Variants in SBF2 observed in about 807,000 individuals in gnomAD.
The protein encoded by SBF2 is myotubularin-related protein 13.
A neutral mutation model predicts 225.2 loss-of-function variants in SBF2; 112 were observed. The ratio of observed to expected loss-of-function variants is 0.50; its 90% CI spans 0.43 to 0.58. The LOEUF is 0.58. Ranked by LOEUF, SBF2 falls within the 20% of genes least tolerant of loss-of-function variation. The probability of loss-of-function intolerance (pLI) is 0.00; values close to 1 mark genes in which losing one functional copy is unlikely to be tolerated. For synonymous variants in SBF2, 763 were observed against 773.3 expected (o/e 0.99, Z 0.22); for missense variants, 1,996 against 2,206.2 (o/e 0.90, Z 1.91).
intron 7 of SBF2, among the ~76,000 whole-genome samples, chr11:10,001,960 G>A (rs1947980776): frequency 6.6e-6 from 1 of 151,886 alleles, no homozygotes; most frequent in Non-Finnish European, 1.5e-5. Flanking sequence ...AGCACTATTA[G>A]TCATCACTGT....
At chr11:9,928,024 G>A (rs1864187670) in intron 16 of SBF2, among the ~76,000 whole-genome samples, 1 of 151,946 alleles carries the variant, frequency 6.6e-6, no homozygotes, top group African/African-American at 2.4e-5. Context: ...GAAAATGAGA[G>A]AAAATTTTTG....
intron 2 of SBF2, among the ~76,000 whole-genome samples, chr11:10,093,578 G>A (rs563822162): frequency 6.6e-6 from 1 of 152,042 alleles, no homozygotes; most frequent in East Asian, 1.9e-4. Flanking sequence ...GTACATATAT[G>A]TACTAAAAAA....
At chr11:9,794,467 C>T (rs922615083) in intron 33 of SBF2, among the ~76,000 whole-genome samples, 1 of 151,238 alleles carries the variant, frequency 6.6e-6, no homozygotes, top group African/African-American at 2.4e-5. Context: ...GAGTGCAAGA[C>T]CAGCCTGGCC....
At chr11:10,301,197 A>G (rs72851647) in intron 1 of SBF2, among the ~76,000 whole-genome samples, 8,531 of 152,302 alleles carry the variant, frequency 0.056, 309 homozygotes, top group Middle Eastern at 0.15. Flanking sequence ...AATTTAAAAT[A>G]TGGAAACAGT....
Position 9,998,298 on chromosome 11 carries a change from G to A in SBF2, c.943C>T (p.Leu315Phe). 6.2e-7 allele frequency: 1 copy of A among 1,604,478 alleles called. No individual in the cohort carries two copies. Among genetic ancestry groups the A allele is most frequent in the Non-Finnish European group, 8.5e-7 (1 of 1,171,474 alleles). ...AGAGCTGATTGAGTCTGATGTAGAA[G>A]TGGTTCTGGGAGGGAAGAGAGGTGA... ...CIHLSSLPEP[L>F]LHQTQSALSL... Residue 315 changes from leucine to phenylalanine, a missense_variant, in exon 9 of 40, where the codon CTT becomes TTT. Physicochemically the swap from Leu to Phe is conservative, Grantham distance 22 (BLOSUM62 0). Coordinates refer to ENST00000256190, the MANE Select transcript of SBF2 (RefSeq NM_030962.4).
chr11:9,973,520 T>C (rs550870766), intron 13 of SBF2, among the ~76,000 whole-genome samples: 1 of 152,322 alleles, frequency 6.6e-6, no homozygotes, highest in South Asian at 2.1e-4. Context: ...GTCTTTTACA[T>C]TTTGAATTTG....
chr11:9,840,146 A>C lies in SBF2; in HGVS notation c.3257-450T>G, dbSNP rs562988352. On this transcript the variant is annotated intron_variant, in intron 25 of 39. Transcript: ENST00000256190. ...CTACTCGGGAGGCTGAGGCAGGAGA[A>C]TCACTTGAACCCGGGAGGTGGAGGT... 1.2e-3 allele frequency among the ~76,000 whole-genome samples: 180 copies of C among 152,226 alleles called. 1 individual carries two copies. The highest frequency in any genetic ancestry group is 2.3e-3 in the Non-Finnish European group (154 of 68,014).
chr11:9,911,068 A>C (rs1325317184), intron 16 of SBF2, among the ~76,000 whole-genome samples: 6 of 150,588 alleles, frequency 4.0e-5, no homozygotes, highest in Non-Finnish European at 7.4e-5. Context: ...AAAAAAACAA[A>C]AAAAACAAAA....
intron 30 of SBF2, chr11:9,810,924 C>T (rs1484772044): frequency 6.6e-6 from 1 of 152,192 alleles, no homozygotes; most frequent in Non-Finnish European, 1.5e-5. Flanking sequence ...ATGTTCAGTG[C>T]TGTACTATTC....
At chr11:9,849,973 C>T (rs1215473982) in intron 22 of SBF2, 50 bp downstream of exon 22, 3 of 1,524,808 alleles carry the variant, frequency 2.0e-6, no homozygotes, top group Non-Finnish European at 2.7e-6. Flanking sequence ...GGGATCGAGA[C>T]CTCATGTACC....
chr11:10,248,878 A>G (rs1960058737), intron 1 of SBF2, among the ~76,000 whole-genome samples: 1 of 152,168 alleles, frequency 6.6e-6, no homozygotes, highest in South Asian at 2.1e-4. Flanking sequence ...GGCGGATCAC[A>G]AGGTCAGGAG....
At chr11:9,873,050 C>T (rs906734611) in intron 17 of SBF2, among the ~76,000 whole-genome samples, 3 of 151,216 alleles carry the variant, frequency 2.0e-5, no homozygotes, top group African/African-American at 7.3e-5. Context: ...ACCAAAAATA[C>T]AAAAAATTAG....
chr11:10,304,150 C>T lies in SBF2; in HGVS notation n.386+342G>A, dbSNP rs900374488. ...AAGGAATGTTACCTTCCTTGCCTGA[C>T]TCAAGGGTGGCTGTGAAGCTCAAAG... On this transcript the variant is annotated intron_variant and non_coding_transcript_variant, in intron 1 of 5. Transcript: ENST00000685217. 2.0e-5 allele frequency among the ~76,000 whole-genome samples: 3 copies of T among 152,270 alleles called. No homozygotes were observed. The South Asian group carries it at 6.2e-4, about 32-fold the overall frequency.
chr11:9,955,003 G>C (rs1262842798), intron 16 of SBF2, among the ~76,000 whole-genome samples: 1 of 151,958 alleles, frequency 6.6e-6, no homozygotes, highest in Non-Finnish European at 1.5e-5. Context: ...TATAATAATG[G>C]TAACAAAGTA....
chr11:9,962,707 G>A (rs772103053), intron 15 of SBF2, among the ~76,000 whole-genome samples: 39 of 152,282 alleles, frequency 2.6e-4, no homozygotes, highest in Non-Finnish European at 4.9e-4. Context: ...CCATAAAGAT[G>A]CCTCCTTCAG....
At chr11:10,033,358 AAC>A (rs1414651064) in intron 3 of SBF2, among the ~76,000 whole-genome samples, 1 of 152,132 alleles carries the variant, frequency 6.6e-6, no homozygotes, top group African/African-American at 2.4e-5. Context: ...CTTTGACCAA[AAC>A]ACAAAATAGA....
intron 1 of SBF2, among the ~76,000 whole-genome samples, chr11:10,205,575 A>G (rs192219383): frequency 1.0e-3 from 155 of 152,144 alleles, no homozygotes; most frequent in African/African-American, 3.3e-3. Flanking sequence ...GAAGGCAGCC[A>G]AGGTAGGCTC....
chr11:10,113,014 G>A (rs1952952191), intron 2 of SBF2, among the ~76,000 whole-genome samples: 1 of 152,062 alleles, frequency 6.6e-6, no homozygotes, highest in African/African-American at 2.4e-5. Flanking sequence ...TTGTTTTTGA[G>A]ACAGGGTCTC....
intron 1 of SBF2, among the ~76,000 whole-genome samples, chr11:10,286,672 G>C (rs530874180): frequency 5.3e-5 from 8 of 151,820 alleles, no homozygotes; most frequent in Non-Finnish European, 1.0e-4. Flanking sequence ...TTTGTTTTTT[G>C]TTTTTTTGTC....
Sources: gnomAD v4.1 joint callset for allele counts (sites outside exome capture counted in the v4.1 genomes callset) on GRCh38, gnomAD v4.1.1 for gene constraint, MANE v1.5 for transcripts, NCBI Gene and HGNC (gene_info 2026-07-23, HGNC 2026-07-21) for gene names.